LRRC37A2: variants seen among roughly 807,000 people sequenced by gnomAD.
The protein encoded by LRRC37A2 is leucine-rich repeat-containing protein 37A2.
LRRC37A2 carries 9 observed loss-of-function variants against 68.8 expected under a neutral mutation model. That is an observed-to-expected ratio of 0.13 (90% confidence interval 0.08 to 0.23). The LOEUF (loss-of-function observed/expected upper bound fraction) is 0.23, where lower values mean the gene tolerates loss of function less well. Among genes scored for constraint, LRRC37A2 ranks in the 10% least tolerant of loss-of-function variants. The pLI is 1.00. For missense variants in LRRC37A2, 168 were observed against 950.4 expected (o/e 0.18, Z 10.82); for synonymous variants, 63 against 367.6 (o/e 0.17, Z 9.48).
At chr17:46,877,590 A>G in the LRRC37A2 span, among the ~76,000 whole-genome samples, 1 of 152,128 alleles carries the variant, frequency 6.6e-6, no homozygotes, top group South Asian at 2.1e-4. Flanking sequence ...CTTCACTCCC[A>G]GCGCAGAGGA....
the LRRC37A2 span, among the ~76,000 whole-genome samples, chr17:46,918,478 GATAA>G: frequency 6.6e-6 from 1 of 152,172 alleles, no homozygotes; most frequent in Admixed American, 6.5e-5. Flanking sequence ...CAACGTGATA[GATAA>G]ATAGGTAGGT....
the LRRC37A2 span, among the ~76,000 whole-genome samples, chr17:46,812,227 G>A: frequency 6.6e-6 from 1 of 152,298 alleles, no homozygotes; most frequent in South Asian, 2.1e-4. Flanking sequence ...GCGGGATAAA[G>A]AAGGACCCTG....
At chr17:46,529,770 GTC>G (rs1170329244) in intron 6 of LRRC37A2, among the ~76,000 whole-genome samples, 1 of 101,416 alleles carries the variant, frequency 9.9e-6, no homozygotes, top group Non-Finnish European at 2.2e-5. Flanking sequence ...TTCCCACTCA[GTC>G]TCTCCATGGC....
chr17:46,929,597 CTG>C, the LRRC37A2 span: 8 of 1,335,754 alleles, frequency 6.0e-6, no homozygotes, highest in Non-Finnish European at 8.6e-6. Flanking sequence ...GAGTAATTAA[CTG>C]TGGAGACCAG....
chr17:46,941,581 A>AT, the LRRC37A2 span: 1 of 258,688 alleles, frequency 3.9e-6, no homozygotes, highest in Non-Finnish European at 6.0e-6. Flanking sequence ...ATTTTATTTT[A>AT]TTTTTTATTT....
At chr17:46,952,541 A>G in the LRRC37A2 span, 1 of 152,182 alleles carries the variant, frequency 6.6e-6, no homozygotes. Flanking sequence ...TCAATAAGAT[A>G]TGGGCAGAAG....
At chr17:46,688,249 G>A in the LRRC37A2 span, among the ~76,000 whole-genome samples, 4 of 151,042 alleles carry the variant, frequency 2.6e-5, no homozygotes, top group Non-Finnish European at 5.9e-5. Context: ...AATGGCTCAC[G>A]CCTGTAATCC....
the LRRC37A2 span, among the ~76,000 whole-genome samples, chr17:46,858,362 A>C: frequency 6.6e-6 from 1 of 152,210 alleles, no homozygotes; most frequent in Non-Finnish European, 1.5e-5. Context: ...GATGAAGTCC[A>C]GTGTATCAAC....
At chr17:46,960,155 C>T in the LRRC37A2 span, among the ~76,000 whole-genome samples, 6 of 152,226 alleles carry the variant, frequency 3.9e-5, no homozygotes, top group African/African-American at 1.4e-4. Flanking sequence ...GCTCTCAAAG[C>T]TCAACAATAA....
chr17:46,534,644 A>C (rs2054304720), intron 6 of LRRC37A2, among the ~76,000 whole-genome samples: 7 of 148,420 alleles, frequency 4.7e-5, no homozygotes, highest in Admixed American at 4.6e-4. Context: ...TTTTCCCCAC[A>C]TTTCCCCCTT....
chr17:47,021,861 G>A, the LRRC37A2 span: 9 of 1,506,292 alleles, frequency 6.0e-6, no homozygotes, highest in Non-Finnish European at 8.3e-6. Context: ...AATTTCCAAG[G>A]AAACTATATT....
chr17:46,708,153 T>C, the LRRC37A2 span, among the ~76,000 whole-genome samples: 1 of 152,222 alleles, frequency 6.6e-6, no homozygotes, highest in Non-Finnish European at 1.5e-5. Flanking sequence ...GTCATTAGCA[T>C]GGCTGTACAG....
At chr17:46,847,974 G>GTGTGTGTGTGTC in the LRRC37A2 span, among the ~76,000 whole-genome samples, 89 of 112,360 alleles carry the variant, frequency 7.9e-4, no homozygotes, top group African/African-American at 2.9e-3. Flanking sequence ...CAAAGTGTGT[G>GTGTGTGTGTGTC]TGTGTGTGTG....
At chr17:46,773,623 T>TGCC in the LRRC37A2 span, 22 of 383,486 alleles carry the variant, frequency 5.7e-5, no homozygotes, top group Non-Finnish European at 1.0e-4. Flanking sequence ...TCCTGATCCC[T>TGCC]CCCCCCACCC....
At chr17:46,743,269 T>C in the LRRC37A2 span, among the ~76,000 whole-genome samples, 1 of 152,154 alleles carries the variant, frequency 6.6e-6, no homozygotes, top group Non-Finnish European at 1.5e-5. Context: ...AGGCATCCCG[T>C]CCCTCACCCA....
chr17:46,850,518 T>C, the LRRC37A2 span, among the ~76,000 whole-genome samples: 1 of 152,236 alleles, frequency 6.6e-6, no homozygotes, highest in African/African-American at 2.4e-5. Flanking sequence ...AGTCACTTGA[T>C]GTTCCCTATG....
the LRRC37A2 span, among the ~76,000 whole-genome samples, chr17:46,918,386 A>G: frequency 3.3e-5 from 5 of 152,048 alleles, no homozygotes; most frequent in African/African-American, 4.8e-5. Context: ...CCTATAACAC[A>G]GTTTTTAATC....
At chr17:46,771,901 C>G in the LRRC37A2 span, among the ~76,000 whole-genome samples, 1 of 145,530 alleles carries the variant, frequency 6.9e-6, no homozygotes, top group African/African-American at 2.5e-5. Context: ...CCTGCCCCCG[C>G]CCCCGCCTGG....
chr17:46,843,670 T>G, the LRRC37A2 span, among the ~76,000 whole-genome samples: 1 of 152,248 alleles, frequency 6.6e-6, no homozygotes, highest in African/African-American at 2.4e-5. Flanking sequence ...GTTACTTGAC[T>G]TCTCTGTGCC....
Sources: allele counts gnomAD v4.1 joint callset (sites outside exome capture counted in the v4.1 genomes callset), GRCh38; gene constraint gnomAD v4.1.1; transcripts MANE v1.5; gene names NCBI Gene and HGNC (gene_info 2026-07-23, HGNC 2026-07-21).